Variants in RPA1 observed in about 807,000 individuals in gnomAD.
The protein encoded by RPA1 is replication protein A1.
Under a neutral mutation model 83.0 loss-of-function variants are expected in RPA1, and 49 were observed. The ratio of observed to expected loss-of-function variants is 0.59; its 90% CI spans 0.47 to 0.75. RPA1 has a LOEUF of 0.75. RPA1 is among the 30% of genes least tolerant of loss of function. The pLI is 0.00. For missense variants in RPA1, 693 were observed against 776.1 expected, an observed-to-expected ratio of 0.89 and a Z score of 1.27; for synonymous variants, 279 against 281.8, an observed-to-expected ratio of 0.99 and a Z score of 0.10.
intron 3 of RPA1, 63 bp downstream of exon 3, chr17:1,844,061 C>A: frequency 6.9e-7 from 1 of 1,444,676 alleles, no homozygotes; most frequent in South Asian, 1.2e-5. Context: ...ACACCTGGTC[C>A]TTTGGTTGCC....
rs1597461521 is a variant in RPA1, at chr17:1,892,028, A to G, written c.1659+88A>G. 3.8e-6 allele frequency: 3 copies of G among 794,196 alleles called. No individual in the cohort carries two copies. The East Asian group carries it at 8.4e-5, about 22-fold the overall frequency. The allele number at this position is 794,196 out of a possible 1,614,324, so 49.2% of individuals were successfully genotyped here. On this transcript the variant is annotated intron_variant, in intron 15 of 16. Coordinates refer to ENST00000254719, the MANE Select transcript of RPA1 (RefSeq NM_002945.5). ...CCCCACACATTTTTTTTTTTTTGAG[A>G]TGGAGTCTTGCCCTGTTTCCTAGGC... is the stretch of plus-strand genomic sequence containing the variant.
intron 1 of RPA1, among the ~76,000 whole-genome samples, chr17:1,837,511 C>T (rs933802223): frequency 6.6e-6 from 1 of 152,166 alleles, no homozygotes; most frequent in Non-Finnish European, 1.5e-5. Context: ...TGCTGGGTCA[C>T]AGGTAACTGA....
At chr17:1,868,706 T>C (rs1212814001) in intron 5 of RPA1, among the ~76,000 whole-genome samples, 2 of 152,044 alleles carry the variant, frequency 1.3e-5, no homozygotes, top group Non-Finnish European at 2.9e-5. Context: ...GCCACTGCCC[T>C]CCAGCTTGGG....
At chr17:1,886,297 T>G (rs1338866527) in intron 13 of RPA1, among the ~76,000 whole-genome samples, 1 of 152,234 alleles carries the variant, frequency 6.6e-6, no homozygotes, top group Non-Finnish European at 1.5e-5. Context: ...GCTTTGATAT[T>G]CTATTTATAA....
At chr17:1,835,311 G>C (rs914438747) in intron 1 of RPA1, among the ~76,000 whole-genome samples, 2 of 151,912 alleles carry the variant, frequency 1.3e-5, no homozygotes, top group Non-Finnish European at 2.9e-5. Flanking sequence ...ACCATGCCCA[G>C]CTAATTTTTT....
intron 1 of RPA1, among the ~76,000 whole-genome samples, chr17:1,838,368 C>T (rs1911903340): frequency 6.6e-6 from 1 of 151,738 alleles, no homozygotes; most frequent in African/African-American, 2.4e-5. Flanking sequence ...CTTTGGGAGG[C>T]AAAGCCGGGC....
chr17:1,844,500 C>G, intron 3 of RPA1, 78 bp from the exon 4 acceptor site: 1 of 1,088,188 alleles, frequency 9.2e-7, no homozygotes, highest in Admixed American at 2.2e-5. Flanking sequence ...TTTTTCTTTG[C>G]TAGCACAGGT....
intron 1 of RPA1, among the ~76,000 whole-genome samples, chr17:1,831,801 G>A (rs9899968): frequency 0.18 from 27,724 of 150,600 alleles, 2,679 homozygotes; most frequent in Middle Eastern, 0.21. Flanking sequence ...GGGTTTCACC[G>A]TGTTAGCCAG....
At chr17:1,858,763 C>A (rs1229477514) in intron 5 of RPA1, among the ~76,000 whole-genome samples, 1 of 152,008 alleles carries the variant, frequency 6.6e-6, no homozygotes, top group Non-Finnish European at 1.5e-5. Flanking sequence ...TCGTGCCAGC[C>A]AAATGTGGGT....
At chr17:1,837,897 G>A (rs1346969205) in intron 1 of RPA1, among the ~76,000 whole-genome samples, 1 of 150,930 alleles carries the variant, frequency 6.6e-6, no homozygotes, top group Non-Finnish European at 1.5e-5. Context: ...TGTTTTTTTT[G>A]AAGTGCACTT....
chr17:1,836,303 T>A lies in RPA1; in HGVS notation c.33+6177T>A, dbSNP rs531936934. The stretch of plus-strand genomic sequence containing the variant: ...TTTTGTATTTTTAATAGTGATGGGG[T>A]TTCACTATGTTGGCCAGGCTGGTCT... On this transcript the variant is annotated intron_variant, in intron 1 of 16. Transcript: ENST00000254719. Among the ~76,000 whole-genome samples, 10 of 152,116 alleles carry A rather than the reference T, an allele frequency of 6.6e-5. No individual in the cohort carries two copies. The East Asian group carries it at 1.7e-3, about 27-fold the overall frequency.
chr17:1,844,065 G>T, intron 3 of RPA1, 67 bp downstream of exon 3: 1 of 1,437,672 alleles, frequency 7.0e-7, no homozygotes, highest in East Asian at 2.3e-5. Flanking sequence ...CTGGTCCTTT[G>T]GTTGCCATAA....
intron 3 of RPA1, 87 bp downstream of exon 3, chr17:1,844,085 A>T (rs1490260526): frequency 1.0e-5 from 12 of 1,153,992 alleles, no homozygotes; most frequent in Admixed American, 1.9e-5. Flanking sequence ...ATTTGGGGGC[A>T]TTCGTGAAGT....
chr17:1,886,705 CTTT>C (rs57659628), intron 13 of RPA1, among the ~76,000 whole-genome samples: 1 of 125,426 alleles, frequency 8.0e-6, no homozygotes, highest in Non-Finnish European at 1.6e-5. Context: ...TCTTCTGCAG[CTTT>C]TTTTTTTTTT....
chr17:1,844,114 G>C (rs958087759), intron 3 of RPA1, 116 bp downstream of exon 3: 1 of 776,964 alleles, frequency 1.3e-6, no homozygotes, highest in Non-Finnish European at 2.1e-6. Context: ...GCTTGGCTAC[G>C]TACTTCATTC....
intron 5 of RPA1, among the ~76,000 whole-genome samples, chr17:1,858,976 C>T (rs887741895): frequency 6.6e-6 from 1 of 150,378 alleles, no homozygotes; most frequent in Non-Finnish European, 1.5e-5. Flanking sequence ...GATCTTGGCT[C>T]ACTGCAATCT....
chr17:1,873,616 C>T lies in RPA1; in HGVS notation c.454+1090C>T, dbSNP rs552913619. Reference sequence around the variant, plus strand: ...TAATCTACCTTGCACGATCCGTCTACCTCTCTCGCTCTTGCACGTTCTCTC... The same window carrying T: ...TAATCTACCTTGCACGATCCGTCTATCTCTCTCGCTCTTGCACGTTCTCTC... On this transcript the variant is annotated intron_variant, in intron 6 of 16. Transcript: ENST00000254719. Among the ~76,000 whole-genome samples the T allele has an allele frequency of 7.9e-5, 12 of 152,214 alleles. No homozygotes were observed. The South Asian group carries it at 2.3e-3, about 29-fold the overall frequency.
At chr17:1,895,263 G>T in intron 16 of RPA1, among the ~76,000 whole-genome samples, 168 bp downstream of exon 16, 1 of 151,984 alleles carries the variant, frequency 6.6e-6, no homozygotes, top group African/African-American at 2.4e-5. Context: ...AGATGAGGAA[G>T]GAGAGAGAGC....
intron 15 of RPA1, among the ~76,000 whole-genome samples, chr17:1,893,220 G>A (rs1043187743): frequency 2.6e-5 from 4 of 152,184 alleles, no homozygotes; most frequent in South Asian, 2.1e-4. Context: ...TTCAATTTTC[G>A]TATCAGATTT....
Sources: allele counts gnomAD v4.1 joint callset (sites outside exome capture counted in the v4.1 genomes callset), GRCh38; gene constraint gnomAD v4.1.1; transcripts MANE v1.5; gene names NCBI Gene and HGNC (gene_info 2026-07-23, HGNC 2026-07-21).